Variants in HIVEP3 observed in about 807,000 individuals in gnomAD.
HIVEP3 encodes the protein transcription factor HIVEP3.
Under a neutral mutation model 152.8 loss-of-function variants are expected in HIVEP3, and 49 were observed. That is an observed-to-expected ratio of 0.32 (90% CI 0.26 to 0.41). The LOEUF (loss-of-function observed/expected upper bound fraction) is 0.41, where lower values mean the gene tolerates loss of function less well. Ranked by LOEUF, HIVEP3 falls within the 10% of genes least tolerant of loss-of-function variation. The probability of loss-of-function intolerance (pLI) is 1.00; values close to 1 mark genes in which losing one functional copy is unlikely to be tolerated. For synonymous variants in HIVEP3, 1,269 were observed against 1,289.0 expected (o/e 0.98, Z 0.33); for missense variants, 2,790 against 3,103.3 (o/e 0.90, Z 2.40).
At chr1:41,898,578 G>C (rs1408946) in intron 1 of HIVEP3, among the ~76,000 whole-genome samples, 9,943 of 152,304 alleles carry the variant, frequency 0.065, 1,055 homozygotes, top group African/African-American at 0.23. Flanking sequence ...GTAAACAGAT[G>C]ATACATGCAC....
intron 5 of HIVEP3, 105 bp downstream of exon 5, chr1:41,575,439 G>T: frequency 8.0e-7 from 1 of 1,249,466 alleles, no homozygotes; most frequent in Non-Finnish European, 1.1e-6. Flanking sequence ...CAGGGCACCT[G>T]TGGGCAGAGC....
At position 41,664,103 on chromosome 1, in the gene HIVEP3, C is replaced by T. The variant is rs943986796; in HGVS notation, c.-720-35156G>A. On this transcript the variant is annotated intron_variant, in intron 2 of 8. Transcript: ENST00000372583. The surrounding 1 kb of genome is among the most constrained non-coding windows in gnomAD (Gnocchi z 4.4). ...TTTCCCTTTGAAATGTCTTCTCCAC[C>T]CCCTCCAGCTGTCCTTCACACCCTG... 6.6e-6 allele frequency among the ~76,000 whole-genome samples: 1 copy of T among 152,202 alleles called. No individual in the cohort carries two copies. The highest frequency in any genetic ancestry group is 6.5e-5 in the Admixed American group (1 of 15,286).
intron 1 of HIVEP3, among the ~76,000 whole-genome samples, chr1:41,713,032 T>C (rs949596600): frequency 1.3e-5 from 2 of 152,196 alleles, no homozygotes; most frequent in Non-Finnish European, 2.9e-5. Context: ...TGTGTGACCT[T>C]GACAAGTTCA....
intron 1 of HIVEP3, among the ~76,000 whole-genome samples, chr1:41,801,360 G>A (rs1448470246): frequency 2.0e-5 from 3 of 152,070 alleles, no homozygotes; most frequent in African/African-American, 7.3e-5. Context: ...CTAGGCTGAT[G>A]GGTTTTCTTA....
intron 5 of HIVEP3, among the ~76,000 whole-genome samples, chr1:41,545,748 ACTG>A (rs1254918103): frequency 1.5e-5 from 2 of 130,232 alleles, no homozygotes; most frequent in Admixed American, 7.6e-5. Context: ...CACCATCACC[ACTG>A]CCACCACCAC....
intron 1 of HIVEP3, among the ~76,000 whole-genome samples, chr1:41,898,716 AG>A (rs1160905841): frequency 6.6e-6 from 1 of 152,220 alleles, no homozygotes; most frequent in African/African-American, 2.4e-5. Context: ...TGAGTTCTGA[AG>A]GTAGCAGTGT....
At chr1:41,655,741 G>A (rs996959539) in intron 2 of HIVEP3, among the ~76,000 whole-genome samples, 2 of 151,984 alleles carry the variant, frequency 1.3e-5, no homozygotes, top group African/African-American at 2.4e-5. Flanking sequence ...CTTTGTTCAC[G>A]ATTGGCCTCC....
At chr1:42,020,738 T>C (rs1316978428) in intron 1 of HIVEP3, among the ~76,000 whole-genome samples, 2 of 151,910 alleles carry the variant, frequency 1.3e-5, no homozygotes, top group African/African-American at 4.8e-5. Context: ...CTTCATGGAG[T>C]TTTCATTTAA....
chr1:41,525,830 C>T (rs1050165832), intron 5 of HIVEP3, among the ~76,000 whole-genome samples: 29 of 152,172 alleles, frequency 1.9e-4, no homozygotes, highest in African/African-American at 7.0e-4. Flanking sequence ...GTGCAAGTCT[C>T]AGATGCGGTG....
At chr1:41,594,344 T>C (rs1044611434) in intron 3 of HIVEP3, among the ~76,000 whole-genome samples, 2 of 152,158 alleles carry the variant, frequency 1.3e-5, no homozygotes, top group African/African-American at 4.8e-5. Flanking sequence ...TGCCTCAGCC[T>C]CCTGAGTAGC....
chr1:41,813,804 C>T (rs1357443612), intron 1 of HIVEP3, among the ~76,000 whole-genome samples: 1 of 152,192 alleles, frequency 6.6e-6, no homozygotes, highest in African/African-American at 2.4e-5. Context: ...CCAGCCTCGA[C>T]AAGAGACACA....
chr1:41,720,760 C>A (rs929768946), intron 1 of HIVEP3, among the ~76,000 whole-genome samples: 1 of 152,194 alleles, frequency 6.6e-6, no homozygotes, highest in African/African-American at 2.4e-5. Context: ...ATGTTCATTA[C>A]AGCATTACCC....
chr1:41,838,784 T>C (rs1027507001), intron 1 of HIVEP3, among the ~76,000 whole-genome samples: 1 of 152,168 alleles, frequency 6.6e-6, no homozygotes, highest in African/African-American at 2.4e-5. Context: ...CTGCCCAGTG[T>C]CTGGCACATA....
intron 1 of HIVEP3, among the ~76,000 whole-genome samples, chr1:41,826,569 G>A (rs1014450363): frequency 3.3e-5 from 5 of 152,174 alleles, no homozygotes; most frequent in African/African-American, 4.8e-5. Context: ...ACTTCCAGTG[G>A]GGGCCCTCAC....
intron 1 of HIVEP3, among the ~76,000 whole-genome samples, chr1:41,838,539 T>A (rs566326751): frequency 1.3e-5 from 2 of 152,270 alleles, no homozygotes; most frequent in South Asian, 4.1e-4. Context: ...CATTGTCTCG[T>A]CCTTACCCAT....
chr1:42,018,072 C>T (rs1024730242), intron 1 of HIVEP3, among the ~76,000 whole-genome samples: 2 of 151,968 alleles, frequency 1.3e-5, no homozygotes, highest in African/African-American at 2.4e-5. Context: ...TTTGAACATT[C>T]TCTGTGTAAA....
chr1:41,728,353 G>A (rs1393636011), intron 1 of HIVEP3, among the ~76,000 whole-genome samples: 1 of 152,176 alleles, frequency 6.6e-6, no homozygotes, highest in African/African-American at 2.4e-5. Context: ...GGAGTGCCCA[G>A]CCTAGAGGGG....
At chr1:41,781,741 G>C (rs1649054376) in intron 1 of HIVEP3, among the ~76,000 whole-genome samples, 2 of 152,188 alleles carry the variant, frequency 1.3e-5, no homozygotes, top group African/African-American at 4.8e-5. Context: ...CTTGACTGTA[G>C]CCAGGCCTAG....
Position 41,918,229 on chromosome 1 carries a change from C to T in HIVEP3, c.-801+184G>A, listed in dbSNP as rs943971741. 6.6e-6 allele frequency among the ~76,000 whole-genome samples: 1 copy of T among 152,208 alleles called. No individual in the cohort carries two copies. The highest frequency in any genetic ancestry group is 1.5e-5 in the Non-Finnish European group (1 of 68,030). ...CCCACCGGGGGCACTGGCCGCCACGCGCAGCCCACCCGGCCGGCCCCTGCG... is the reference window on the plus strand; with the variant it reads ...CCCACCGGGGGCACTGGCCGCCACGTGCAGCCCACCCGGCCGGCCCCTGCG... On this transcript the variant is annotated intron_variant, in intron 1 of 8. Coordinates refer to ENST00000372583, the MANE Select transcript of HIVEP3 (RefSeq NM_024503.5). This position sits in a 1 kb window ranked among gnomAD's most constrained non-coding sequence, Gnocchi z 4.3.
Sources: allele counts gnomAD v4.1 joint callset (sites outside exome capture counted in the v4.1 genomes callset), GRCh38; gene constraint gnomAD v4.1.1; non-coding constraint Gnocchi (gnomAD v3.1); transcripts MANE v1.5; gene names NCBI Gene and HGNC (gene_info 2026-07-23, HGNC 2026-07-21).